The following KCND2 variants were observed in gnomAD, a reference collection of about 807,000 sequenced individuals.
KCND2 encodes A-type voltage-gated potassium channel KCND2.
Under a neutral mutation model 54.4 loss-of-function variants are expected in KCND2, and 16 were observed. That is an observed-to-expected ratio of 0.29 (90% confidence interval 0.20 to 0.45). The LOEUF is 0.45. KCND2 is among the 20% of genes least tolerant of loss of function. KCND2 has a pLI of 1.00. For missense variants in KCND2, 486 were observed against 824.2 expected, an observed-to-expected ratio of 0.59 and a Z score of 5.02; for synonymous variants, 317 against 310.7, an observed-to-expected ratio of 1.02 and a Z score of -0.21.
rs148467483 is a variant in KCND2 at position 120,365,984 on chromosome 7, C to T, written c.1115+90237C>T. 4.8e-4 allele frequency among the ~76,000 whole-genome samples: 73 copies of T among 152,000 alleles called. 1 individual carries two copies. The East Asian group carries it at 7.6e-3, about 16-fold the overall frequency. ...TTAAAATGTTCAGATTGAGAAAAAA[C>T]TTTGAGGGGGTGGATAACTGTGCCC... On this transcript the variant is annotated intron_variant, in intron 1 of 5. Coordinates refer to ENST00000331113, the MANE Select transcript of KCND2 (RefSeq NM_012281.3).
At chr7:120,548,963 T>G (rs1792075211) in intron 1 of KCND2, among the ~76,000 whole-genome samples, 1 of 152,110 alleles carries the variant, frequency 6.6e-6, no homozygotes, top group Admixed American at 6.6e-5. Context: ...CATTTTTGTT[T>G]CAATGCCTGT....
At chr7:120,372,245 T>A (rs1800775000) in intron 1 of KCND2, among the ~76,000 whole-genome samples, 1 of 151,902 alleles carries the variant, frequency 6.6e-6, no homozygotes, top group Non-Finnish European at 1.5e-5. Context: ...TTGCTAGAGA[T>A]TCTCCAGTGT....
chr7:120,432,369 C>T (rs1801803900), intron 1 of KCND2, among the ~76,000 whole-genome samples: 1 of 152,080 alleles, frequency 6.6e-6, no homozygotes. Flanking sequence ...CTTTTAATAA[C>T]CTAAGAAAAC....
At chr7:120,531,107 T>C (rs1202511183) in intron 1 of KCND2, among the ~76,000 whole-genome samples, 1 of 152,042 alleles carries the variant, frequency 6.6e-6, no homozygotes, top group Non-Finnish European at 1.5e-5. Context: ...TGGCCACAGA[T>C]TTATGTTTCA....
At chr7:120,487,341 A>G (rs532806545) in intron 1 of KCND2, among the ~76,000 whole-genome samples, 2 of 152,324 alleles carry the variant, frequency 1.3e-5, no homozygotes, top group Admixed American at 1.3e-4. Context: ...AATAAAACGA[A>G]CAACAATTTA....
intron 1 of KCND2, among the ~76,000 whole-genome samples, chr7:120,453,883 G>A (rs1198182623): frequency 1.2e-4 from 18 of 152,094 alleles, no homozygotes; most frequent in South Asian, 2.1e-4. Context: ...TCACGAGATC[G>A]AGACCATCCT....
chr7:120,560,540 T>C (rs1792220859), intron 1 of KCND2, among the ~76,000 whole-genome samples: 1 of 152,198 alleles, frequency 6.6e-6, no homozygotes, highest in Admixed American at 6.5e-5. Flanking sequence ...ATAATCAGCT[T>C]AAGCTAAAAT....
chr7:120,318,648 GAA>G (rs1799849067), intron 1 of KCND2, among the ~76,000 whole-genome samples: 1 of 152,058 alleles, frequency 6.6e-6, no homozygotes, highest in Admixed American at 6.6e-5. Flanking sequence ...AATCTGATGA[GAA>G]AGTTTTTTCT....
chr7:120,314,144 A>T (rs1194460169), intron 1 of KCND2, among the ~76,000 whole-genome samples: 1 of 151,980 alleles, frequency 6.6e-6, no homozygotes, highest in Non-Finnish European at 1.5e-5. Context: ...TTAAAAAATC[A>T]ACAAATACAG....
chr7:120,575,123 T>A (rs1392249486), intron 1 of KCND2, among the ~76,000 whole-genome samples: 1 of 152,112 alleles, frequency 6.6e-6, no homozygotes, highest in Admixed American at 6.6e-5. Flanking sequence ...TATAATAGTA[T>A]ATATGAAAGG....
At chr7:120,368,415 A>C (rs1313622403) in intron 1 of KCND2, among the ~76,000 whole-genome samples, 1 of 152,078 alleles carries the variant, frequency 6.6e-6, no homozygotes, top group African/African-American at 2.4e-5. Flanking sequence ...ATAAAAAATA[A>C]AAAACTAATC....
chr7:120,420,766 A>G (rs1299097181), intron 1 of KCND2, among the ~76,000 whole-genome samples: 1 of 152,184 alleles, frequency 6.6e-6, no homozygotes, highest in Non-Finnish European at 1.5e-5. Flanking sequence ...AAACTTTTTA[A>G]GAAATTATAA....
chr7:120,481,881 G>T (rs148719410), intron 1 of KCND2, among the ~76,000 whole-genome samples: 186 of 152,280 alleles, frequency 1.2e-3, no homozygotes, highest in African/African-American at 4.1e-3. Flanking sequence ...GTAGTATGGG[G>T]GTTTAGGAAG....
At chr7:120,482,052 C>A (rs1220685597) in intron 1 of KCND2, among the ~76,000 whole-genome samples, 1 of 152,110 alleles carries the variant, frequency 6.6e-6, no homozygotes, top group Non-Finnish European at 1.5e-5. Flanking sequence ...TCCAGCAAAG[C>A]TATAGGGGCA....
intron 1 of KCND2, among the ~76,000 whole-genome samples, chr7:120,454,530 A>G (rs975587130): frequency 6.6e-6 from 1 of 152,218 alleles, no homozygotes; most frequent in African/African-American, 2.4e-5. Context: ...GGACAAACCA[A>G]TAACAAGTTC....
chr7:120,309,474 TACACAC>T (rs1209573900), intron 1 of KCND2, among the ~76,000 whole-genome samples: 268 of 113,250 alleles, frequency 2.4e-3, no homozygotes, highest in African/African-American at 6.6e-3. Flanking sequence ...TATATATATA[TACACAC>T]ACACACACAC....
intron 1 of KCND2, among the ~76,000 whole-genome samples, chr7:120,335,456 T>TTTAC (rs1161790755): frequency 0.04 from 5,516 of 138,742 alleles, 358 homozygotes; most frequent in African/African-American, 0.13. Flanking sequence ...TATTTATTTA[T>TTTAC]TTACTTACTT....
chr7:120,678,343 T>TTATACA (rs1792092483), intron 1 of KCND2, among the ~76,000 whole-genome samples: 1 of 120,274 alleles, frequency 8.3e-6, no homozygotes, highest in African/African-American at 3.2e-5. Context: ...GTATGATTAT[T>TTATACA]TATATATATA....
intron 1 of KCND2, among the ~76,000 whole-genome samples, chr7:120,675,226 C>T (rs532223061): frequency 1.3e-5 from 2 of 151,764 alleles, no homozygotes; most frequent in South Asian, 2.1e-4. Flanking sequence ...GTTTCTACTG[C>T]TTTTTGTTTG....
Sources: gnomAD v4.1 joint callset for allele counts (sites outside exome capture counted in the v4.1 genomes callset) on GRCh38, gnomAD v4.1.1 for gene constraint, MANE v1.5 for transcripts, NCBI Gene and HGNC (gene_info 2026-07-23, HGNC 2026-07-21) for gene names.